IBTK: variants seen among roughly 807,000 people sequenced by gnomAD.
IBTK encodes the protein BTK-binding protein.
In IBTK, 83 loss-of-function variants were observed where a neutral mutation model predicts 154.9. That is an observed-to-expected ratio of 0.54 (90% CI 0.45 to 0.64). The LOEUF (loss-of-function observed/expected upper bound fraction) is 0.64, where lower values mean the gene tolerates loss of function less well. Among genes scored for constraint, IBTK ranks in the 30% least tolerant of loss-of-function variants. The pLI is 0.00. For missense variants in IBTK, 1,332 were observed against 1,584.6 expected (o/e 0.84, Z 2.71); for synonymous variants, 515 against 536.1 (o/e 0.96, Z 0.54).
intron 2 of IBTK, among the ~76,000 whole-genome samples, chr6:82,234,883 G>A (rs1385805917): frequency 3.3e-5 from 5 of 150,798 alleles, no homozygotes; most frequent in African/African-American, 7.3e-5. Flanking sequence ...CAGGGGGGAC[G>A]GAATCTCGCC....
chr6:82,224,230 C>A (rs575009636), intron 6 of IBTK, 45 bp from the exon 7 acceptor site: 1 of 1,336,714 alleles, frequency 7.5e-7, no homozygotes, highest in East Asian at 2.3e-5. Context: ...ATATTTATGA[C>A]CTAGTACAAT....
In IBTK at chr6:82,200,165, T is replaced by C; in HGVS notation, c.3001A>G (p.Ile1001Val). Residue 1001 changes from isoleucine (I) to valine (V), a missense_variant, in exon 21 of 29, where the codon ATT becomes GTT. Around this residue, in one of 3 missense-constraint regions of IBTK, gnomAD observed 1,134 missense variants for 1,274.7 expected, o/e 0.89. Coordinates refer to ENST00000306270, the MANE Select transcript of IBTK (RefSeq NM_015525.4). ...CCTGTAGATGATGGACTCTGAATAA[T>C]ATCTGAAAGGTTATAACCTCCAGAA... ...DSSGGYNLSD[I>V]IQSPSSTGLL... 6.2e-7 allele frequency: 1 copy of C among 1,609,428 alleles called. No homozygotes were observed. Among genetic ancestry groups the C allele is most frequent in the Non-Finnish European group, 8.5e-7 (1 of 1,177,198 alleles).
At chr6:82,210,728 T>C (rs1021184448) in intron 16 of IBTK, 86 bp downstream of exon 16, 16 of 547,636 alleles carry the variant, frequency 2.9e-5, no homozygotes, top group Non-Finnish European at 4.5e-5. Flanking sequence ...GATGGTTTTT[T>C]TCTATTAGAA....
At chr6:82,188,163 T>C (rs922552925) in intron 25 of IBTK, among the ~76,000 whole-genome samples, 1 of 152,144 alleles carries the variant, frequency 6.6e-6, no homozygotes, top group African/African-American at 2.4e-5. Flanking sequence ...ATCAGTCTAT[T>C]TGTACAACAT....
chr6:82,231,790 A>T lies in IBTK; in HGVS notation c.471T>A (p.His157Gln). 1 of 1,607,816 alleles carries T rather than the reference A, an allele frequency of 6.2e-7. No homozygotes were observed. Among genetic ancestry groups the T allele is most frequent in the Non-Finnish European group, 8.5e-7 (1 of 1,175,578 alleles). The change falls in exon 4 of 29, where the codon CAT becomes CAA. Residue 157 changes from histidine to glutamine, a missense_variant. By Grantham distance (24) the His-to-Gln change is conservative. Coordinates refer to ENST00000306270, the MANE Select transcript of IBTK (RefSeq NM_015525.4). ...GATGATGTTTGCTATTCTGGCTTCCATGACCCAGGGTAAAATTTGTATTAT... is the reference window on the plus strand; with the variant it reads ...GATGATGTTTGCTATTCTGGCTTCCTTGACCCAGGGTAAAATTTGTATTAT... ...WGDNTNFTLGHGSQNSKHHPE... is the reference protein window; with the variant it reads ...WGDNTNFTLGQGSQNSKHHPE...
At chr6:82,179,484 T>C (rs947172799) in intron 26 of IBTK, among the ~76,000 whole-genome samples, 35 of 152,230 alleles carry the variant, frequency 2.3e-4, no homozygotes, top group African/African-American at 7.5e-4. Flanking sequence ...TTTGAGACTT[T>C]AGTACATGTC....
At chr6:82,208,660 C>T (rs1287815859) in intron 16 of IBTK, among the ~76,000 whole-genome samples, 1 of 152,086 alleles carries the variant, frequency 6.6e-6, no homozygotes, top group Non-Finnish European at 1.5e-5. Context: ...GGAAGGATCA[C>T]TTGAGCTCAG....
chr6:82,201,588 T>C, intron 18 of IBTK, 106 bp from the exon 19 acceptor site: 3 of 722,688 alleles, frequency 4.2e-6, no homozygotes, highest in Non-Finnish European at 6.7e-6. Context: ...GTAACAAAGT[T>C]ATTTTTTAAG....
chr6:82,176,521 C>CAAA (rs749153646), intron 26 of IBTK, among the ~76,000 whole-genome samples: 6 of 61,444 alleles, frequency 9.8e-5, no homozygotes, highest in Admixed American at 1.7e-4. Context: ...GAGTCCGTCT[C>CAAA]AAAAAAAAAA....
chr6:82,187,983 A>G (rs188079975), intron 25 of IBTK, among the ~76,000 whole-genome samples: 223 of 152,300 alleles, frequency 1.5e-3, no homozygotes, highest in Non-Finnish European at 2.2e-3. Context: ...ACGCTTCCAG[A>G]ATGCTAGCAA....
In IBTK at chr6:82,247,699, A is replaced by G; in HGVS notation, c.-495T>C. On this transcript the variant is annotated 5_prime_UTR_variant, in exon 1 of 29. Coordinates refer to ENST00000306270, the MANE Select transcript of IBTK (RefSeq NM_015525.4). ...GTCCCCAGACCCGGGTCAGTTCGGC[A>G]GGCGGCTGCAATACAGCCGCTACTA... 1 of 398,488 alleles carries G rather than the reference A, an allele frequency of 2.5e-6. No homozygotes were observed. The highest frequency in any genetic ancestry group is 2.1e-5 in the African/African-American group (1 of 48,750). The allele number at this position is 398,488 out of a possible 1,614,324, so 24.7% of individuals were successfully genotyped here. A position where few individuals can be genotyped will look rare whatever the true frequency, so the allele number is the denominator to read the frequency against.
At chr6:82,212,238 G>A (rs1276586569) in intron 13 of IBTK, among the ~76,000 whole-genome samples, 3 of 151,902 alleles carry the variant, frequency 2.0e-5, no homozygotes, top group Non-Finnish European at 2.9e-5. Context: ...CACCTGCCTC[G>A]GCCCCCCAAA....
Position 82,211,368 on chromosome 6 carries a change from T to C in IBTK, c.2411A>G (p.Glu804Gly). Residue 804 changes from glutamate to glycine, a missense_variant and splice_region_variant, in exon 15 of 29, where the codon GAG becomes GGG. By Grantham distance (98) the Glu-to-Gly change is moderately conservative. This residue lies in a region of IBTK where 1,134 missense variants were observed against 1,274.7 expected (regional missense o/e 0.89). Transcript: ENST00000306270. Reference protein sequence around the residue: ...FHSMLSSSWIEASSCAALEMP... With the variant: ...FHSMLSSSWIGASSCAALEMP... ...AGGCGCTTTTTACTTAAATCTTACC[T>C]CAATCCATGAGCTACTCAGCATACT... 3 of 1,600,798 alleles carry C rather than the reference T, an allele frequency of 1.9e-6. No individual in the cohort carries two copies. The highest frequency in any genetic ancestry group is 2.6e-6 in the Non-Finnish European group (3 of 1,175,888).
At chr6:82,210,777 T>A in intron 16 of IBTK, 37 bp downstream of exon 16, 1 of 849,186 alleles carries the variant, frequency 1.2e-6, no homozygotes, top group Middle Eastern at 2.3e-4. Flanking sequence ...TTCCATTATA[T>A]GTGAAGTATC....
At chr6:82,177,627 T>C (rs1187436094) in intron 26 of IBTK, among the ~76,000 whole-genome samples, 1 of 152,118 alleles carries the variant, frequency 6.6e-6, no homozygotes, top group Non-Finnish European at 1.5e-5. Context: ...TTGGTCAGGC[T>C]GGTCTTGAAG....
chr6:82,180,234 G>T (rs1768270252), intron 26 of IBTK, among the ~76,000 whole-genome samples: 1 of 151,826 alleles, frequency 6.6e-6, no homozygotes, highest in South Asian at 2.1e-4. Context: ...TCCATTTAAG[G>T]TTTTTTTATT....
At chr6:82,178,272 A>T (rs1768189367) in intron 26 of IBTK, among the ~76,000 whole-genome samples, 1 of 152,240 alleles carries the variant, frequency 6.6e-6, no homozygotes, top group Non-Finnish European at 1.5e-5. Flanking sequence ...TATAATTAAG[A>T]GCCCTGATGT....
Position 82,171,510 on chromosome 6 carries a change from A to G in IBTK, c.3977T>C (p.Phe1326Ser). The change falls in exon 29 of 29, where the codon TTT becomes TCT. Residue 1326 changes from phenylalanine (F) to serine (S), a missense_variant. Physicochemically the swap from Phe to Ser is radical, Grantham distance 155. Transcript: ENST00000306270. ...IQDLLVFYEA[F>S]GNPEEFVIVE... Reference sequence around the variant, plus strand: ...AATGACAAACTCTTCAGGGTTGCCAAATGCCTCATAGAAAACCAATAAATC... The same window carrying G: ...AATGACAAACTCTTCAGGGTTGCCAGATGCCTCATAGAAAACCAATAAATC... The G allele has an allele frequency of 6.2e-7, 1 of 1,612,546 alleles. No individual in the cohort carries two copies. Among genetic ancestry groups the G allele is most frequent in the Non-Finnish European group, 8.5e-7 (1 of 1,179,016 alleles).
In IBTK at chr6:82,174,979, C is replaced by T. The variant is rs925265546; in HGVS notation, c.3726-1541G>A. The T allele has an allele frequency of 1.1e-5, 5 of 456,122 alleles. No individual in the cohort carries two copies. The East Asian group carries it at 3.5e-4, about 32-fold the overall frequency. The allele number at this position is 456,122 out of a possible 1,614,324, so 28.3% of individuals were successfully genotyped here. A position where few individuals can be genotyped will look rare whatever the true frequency, so the allele number is the denominator to read the frequency against. Reference sequence around the variant, plus strand: ...ACTCTTTTACAGTTGGCTCAAATGTCACCTTCTCTCTCCTCCTACAAAACT... The same window carrying T: ...ACTCTTTTACAGTTGGCTCAAATGTTACCTTCTCTCTCCTCCTACAAAACT... On this transcript the variant is annotated intron_variant, in intron 26 of 28. Coordinates refer to ENST00000306270, the MANE Select transcript of IBTK (RefSeq NM_015525.4).
Sources: allele counts gnomAD v4.1 joint callset (sites outside exome capture counted in the v4.1 genomes callset), GRCh38; gene constraint gnomAD v4.1.1; regional missense constraint gnomAD v4.1.1; transcripts MANE v1.5; gene names NCBI Gene and HGNC (gene_info 2026-07-23, HGNC 2026-07-21).